NCALD: variants seen among roughly 807,000 people sequenced by gnomAD.
NCALD encodes neurocalcin delta, also known as neurocalcin-delta.
A neutral mutation model predicts 18.6 loss-of-function variants in NCALD; 10 were observed. The observed-to-expected ratio is 0.54, with a 90% CI of 0.33 to 0.91. The LOEUF (loss-of-function observed/expected upper bound fraction) is 0.91, where lower values mean the gene tolerates loss of function less well. Ranked by LOEUF, NCALD falls within the 40% of genes least tolerant of loss-of-function variation. The pLI, the probability that NCALD is intolerant of heterozygous loss-of-function variation, is 0.03. For missense variants in NCALD, 184 were observed against 247.6 expected (o/e 0.74, Z 1.72); for synonymous variants, 88 against 87.4 (o/e 1.01, Z -0.04).
intron 1 of NCALD, among the ~76,000 whole-genome samples, chr8:102,035,003 C>A (rs774924401): frequency 1.3e-5 from 2 of 152,160 alleles, no homozygotes; most frequent in African/African-American, 2.4e-5. Flanking sequence ...CCCCTGGTAA[C>A]CACCATCCTA....
At chr8:101,807,554 C>A (rs1286609415) in intron 4 of NCALD, among the ~76,000 whole-genome samples, 1 of 152,084 alleles carries the variant, frequency 6.6e-6, no homozygotes, top group African/African-American at 2.4e-5. Context: ...AATTCAACAC[C>A]TTATTAATAG....
chr8:101,690,553 C>T (rs1273998814), intron 3 of NCALD: 6 of 985,398 alleles, frequency 6.1e-6, no homozygotes, highest in Non-Finnish European at 7.2e-6. Context: ...CAACTTACTC[C>T]AAACCTGACA....
At position 101,829,974 on chromosome 8, in the gene NCALD, G is replaced by GTTTTTTTTT. The variant is rs35295834; in HGVS notation, c.-20+57158_-20+57166dup. On this transcript the variant is annotated intron_variant, in intron 4 of 6. Coordinates refer to the NCALD transcript ENST00000311028. ...GAAGAACATTTACCCAGTCACATGG[G>GTTTTTTTTT]TTTTTTTTTTTTTTTTTTTTGCTAA... is the stretch of plus-strand genomic sequence containing the variant. Among the ~76,000 whole-genome samples, 25 of 116,172 alleles carry GTTTTTTTTT rather than the reference G, an allele frequency of 2.2e-4. 1 individual carries two copies. Among genetic ancestry groups the GTTTTTTTTT allele is most frequent in the African/African-American group, 7.3e-4 (22 of 30,274 alleles). The allele number at this position is 116,172 out of a possible 152,430, so 76.2% of individuals were successfully genotyped here. A position where few individuals can be genotyped will look rare whatever the true frequency, so the allele number is the denominator to read the frequency against.
intron 2 of NCALD, among the ~76,000 whole-genome samples, chr8:101,918,674 C>T (rs1007868538): frequency 1.3e-5 from 2 of 151,724 alleles, no homozygotes; most frequent in African/African-American, 4.8e-5. Context: ...AAATCAGTCA[C>T]ATTTCTATAC....
In NCALD at chr8:101,689,127, G is replaced by C. The variant is rs1442398587; in HGVS notation, c.*182C>G. 4 of 708,232 alleles carry C rather than the reference G, an allele frequency of 5.6e-6. No individual in the cohort carries two copies. Among genetic ancestry groups the C allele is most frequent in the Non-Finnish European group, 1.0e-5 (4 of 389,052 alleles). 43.9% of individuals were successfully genotyped at this position (708,232 alleles called of 1,614,324 possible). A position where few individuals can be genotyped will look rare whatever the true frequency, so the allele number is the denominator to read the frequency against. On this transcript the variant is annotated 3_prime_UTR_variant, in exon 4 of 4. Transcript: ENST00000220931. This position sits in a 1 kb window ranked among gnomAD's most constrained non-coding sequence, Gnocchi z 4.4. Reference sequence around the variant, plus strand: ...TCTCCACAAGCACACTGGGGCTCTGGGCATTCCCACGAAGCATCCACGACA... The same window carrying C: ...TCTCCACAAGCACACTGGGGCTCTGCGCATTCCCACGAAGCATCCACGACA...
intron 2 of NCALD, among the ~76,000 whole-genome samples, chr8:101,700,031 T>TATTTATTTATTTATTTATTTATTTATTC (rs1815183255): frequency 9.7e-5 from 14 of 143,710 alleles, no homozygotes; most frequent in Admixed American, 9.5e-4. Context: ...TCTCTATTTT[T>TATTTATTTATTTATTTATTTATTTATTC]ATTTATTTAT....
intron 2 of NCALD, among the ~76,000 whole-genome samples, chr8:101,993,238 T>C (rs1261956407): frequency 6.6e-6 from 1 of 151,882 alleles, no homozygotes; most frequent in Non-Finnish European, 1.5e-5. Context: ...ACTTTTTCCC[T>C]GGTGCTACAT....
chr8:101,962,925 CA>C (rs373983746), intron 2 of NCALD, among the ~76,000 whole-genome samples: 6 of 151,188 alleles, frequency 4.0e-5, no homozygotes, highest in Non-Finnish European at 7.4e-5. Flanking sequence ...TAAAAACAAA[CA>C]AAAAAAACAA....
chr8:102,081,545 T>TAAAAAAAAAAAAAAAAAA (rs770307937), intron 1 of NCALD, among the ~76,000 whole-genome samples: 1 of 68,704 alleles, frequency 1.5e-5, no homozygotes, highest in African/African-American at 8.0e-5. Context: ...CAAATAATGG[T>TAAAAAAAAAAAAAAAAAA]AAAAAAAAAA....
At chr8:101,875,762 G>A (rs1020939689) in intron 4 of NCALD, among the ~76,000 whole-genome samples, 2 of 152,270 alleles carry the variant, frequency 1.3e-5, no homozygotes, top group Non-Finnish European at 2.9e-5. Context: ...CCACATTCAG[G>A]ACCCCTCCCT....
At chr8:101,704,765 C>T (rs1055406142) in intron 2 of NCALD, among the ~76,000 whole-genome samples, 14 of 149,446 alleles carry the variant, frequency 9.4e-5, no homozygotes, top group Admixed American at 3.4e-4. Flanking sequence ...TAAACATAAA[C>T]AAAAATTAGC....
rs751236671 is a variant in NCALD, at chr8:101,727,911, C to G, written c.-19-8263G>C. ...TCCTTATGTGACTGCGCACCCTTTT[C>G]TATTAGACACTGGCATCCTGTTATT... On this transcript the variant is annotated intron_variant, in intron 1 of 3. Coordinates refer to ENST00000220931, the MANE Select transcript of NCALD (RefSeq NM_032041.3). Among the ~76,000 whole-genome samples the G allele has an allele frequency of 2.4e-4, 37 of 152,312 alleles. No individual in the cohort carries two copies. In the Middle Eastern group the frequency reaches 0.017, roughly 70 times the overall value.
At chr8:101,701,974 A>C (rs1019997298) in intron 2 of NCALD, among the ~76,000 whole-genome samples, 3 of 152,208 alleles carry the variant, frequency 2.0e-5, no homozygotes, top group African/African-American at 7.2e-5. Context: ...TCTCATTTAG[A>C]GCTAGAAGAA....
upstream of NCALD, among the ~76,000 whole-genome samples, chr8:101,794,988 A>G (rs1308015401): frequency 6.6e-6 from 1 of 152,204 alleles, no homozygotes; most frequent in African/African-American, 2.4e-5. Flanking sequence ...TTGGCCTACA[A>G]AGTTCTATGG....
chr8:101,934,350 G>A (rs1198697862), intron 2 of NCALD, among the ~76,000 whole-genome samples: 1 of 152,148 alleles, frequency 6.6e-6, no homozygotes, highest in Non-Finnish European at 1.5e-5. Context: ...GCAAGAAAGG[G>A]AAGAATTCCA....
At chr8:101,824,596 G>A (rs1425282314) in intron 4 of NCALD, among the ~76,000 whole-genome samples, 3 of 151,936 alleles carry the variant, frequency 2.0e-5, no homozygotes, top group African/African-American at 7.3e-5. Flanking sequence ...GCTGAAAATG[G>A]CAAAGAATTG....
chr8:101,704,123 A>T (rs1815399993), intron 2 of NCALD, among the ~76,000 whole-genome samples: 1 of 152,116 alleles, frequency 6.6e-6, no homozygotes. Flanking sequence ...GAAAAGCAAG[A>T]CCTGGAAAGT....
chr8:101,788,246 A>G lies in NCALD; in HGVS notation c.-20+2616T>C, dbSNP rs1367423611. On this transcript the variant is annotated intron_variant, in intron 1 of 3. Coordinates refer to ENST00000220931, the MANE Select transcript of NCALD (RefSeq NM_032041.3). Reference sequence around the variant, plus strand: ...TTTGGCATCACTAACGTACATATCAATTGACTCAGGGGTGGATAAAATTCA... The same window carrying G: ...TTTGGCATCACTAACGTACATATCAGTTGACTCAGGGGTGGATAAAATTCA... 2.0e-5 allele frequency among the ~76,000 whole-genome samples: 3 copies of G among 152,278 alleles called. No individual in the cohort carries two copies. In the East Asian group the frequency reaches 5.8e-4, roughly 29 times the overall value.
intron 1 of NCALD, among the ~76,000 whole-genome samples, chr8:102,040,911 G>A (rs7831852): frequency 0.018 from 2,667 of 152,276 alleles, 79 homozygotes; most frequent in African/African-American, 0.06. Context: ...TCTGATGGGC[G>A]AGTTTTGGTT....
Sources: gnomAD v4.1 joint callset for allele counts (sites outside exome capture counted in the v4.1 genomes callset) on GRCh38, gnomAD v4.1.1 for gene constraint, Gnocchi (gnomAD v3.1) non-coding constraint, MANE v1.5 for transcripts, NCBI Gene and HGNC (gene_info 2026-07-23, HGNC 2026-07-21) for gene names.